RNF111: variants seen among roughly 807,000 people sequenced by gnomAD.
RNF111 encodes the protein ring finger protein 111.
Under a neutral mutation model 95.1 loss-of-function variants are expected in RNF111, and 17 were observed. That is an observed-to-expected ratio of 0.18 (90% CI 0.12 to 0.27). The LOEUF is 0.27. Ranked by LOEUF, RNF111 falls within the 10% of genes least tolerant of loss-of-function variation. The pLI is 1.00. For synonymous variants in RNF111, 440 were observed against 414.8 expected (o/e 1.06, Z -0.74); for missense variants, 1,189 against 1,210.4 (o/e 0.98, Z 0.26).
At chr15:59,084,849 TGTAA>T (rs2078852530) in intron 9 of RNF111, among the ~76,000 whole-genome samples, 1 of 152,134 alleles carries the variant, frequency 6.6e-6, no homozygotes, top group South Asian at 2.1e-4. Flanking sequence ...AGAGTTCCCA[TGTAA>T]GTAAGAGGCG....
intron 5 of RNF111, among the ~76,000 whole-genome samples, chr15:59,065,328 A>T (rs2042609683): frequency 6.6e-6 from 1 of 152,214 alleles, no homozygotes; most frequent in Admixed American, 6.5e-5. Context: ...TGAATTTGAA[A>T]CACTGGGACA....
chr15:59,092,403 G>T, intron 12 of RNF111, 134 bp from the exon 13 acceptor site: 1 of 827,194 alleles, frequency 1.2e-6, no homozygotes, highest in South Asian at 2.7e-5. Flanking sequence ...ATTTATGACA[G>T]TCTTACCTGG....
intron 1 of RNF111, among the ~76,000 whole-genome samples, chr15:59,016,151 A>AT (rs1490200146): frequency 6.6e-6 from 1 of 150,674 alleles, no homozygotes; most frequent in African/African-American, 2.4e-5. Flanking sequence ...TTGGTTAAAA[A>AT]ATATATATAT....
chr15:59,019,923 C>T (rs1474329756), intron 1 of RNF111, among the ~76,000 whole-genome samples: 2 of 152,044 alleles, frequency 1.3e-5, no homozygotes, highest in Non-Finnish European at 2.9e-5. Context: ...CGTGCCACTG[C>T]ACTTCAGCCT....
intron 1 of RNF111, among the ~76,000 whole-genome samples, chr15:58,992,901 C>T (rs542673142): frequency 6.6e-5 from 10 of 151,924 alleles, no homozygotes; most frequent in Non-Finnish European, 1.5e-4. Flanking sequence ...CATGGTGGTG[C>T]ACACCTGTAG....
intron 1 of RNF111, among the ~76,000 whole-genome samples, chr15:59,014,517 A>G (rs972129939): frequency 6.6e-6 from 1 of 152,190 alleles, no homozygotes; most frequent in Non-Finnish European, 1.5e-5. Context: ...TCTGCTGTGG[A>G]ATTATAGAAA....
chr15:59,069,519 G>A lies in RNF111; in HGVS notation c.1686+2436G>A, dbSNP rs565485529. On this transcript the variant is annotated intron_variant, in intron 6 of 13. Transcript: ENST00000348370. ...TTTATTTCAGCTTGAGTCAGTTGTAGGTAGGATCTCTTTTACAGGTCTGTT... is the reference window on the plus strand; with the variant it reads ...TTTATTTCAGCTTGAGTCAGTTGTAAGTAGGATCTCTTTTACAGGTCTGTT... 4.6e-5 allele frequency among the ~76,000 whole-genome samples: 7 copies of A among 152,228 alleles called. No individual in the cohort carries two copies. In the South Asian group the frequency reaches 1.5e-3, roughly 32 times the overall value.
intron 2 of RNF111, among the ~76,000 whole-genome samples, chr15:59,040,044 A>G (rs1204869710): frequency 4.6e-5 from 7 of 151,788 alleles, no homozygotes; most frequent in African/African-American, 1.7e-4. Flanking sequence ...GGTGATAGAG[A>G]CTACAGTCTG....
intron 5 of RNF111, among the ~76,000 whole-genome samples, chr15:59,065,112 G>A (rs1239476326): frequency 2.6e-5 from 4 of 152,132 alleles, no homozygotes; most frequent in African/African-American, 9.6e-5. Flanking sequence ...GTAAAATCAA[G>A]GCTAGGACAG....
At chr15:59,073,967 G>A (rs1372678462) in intron 6 of RNF111, among the ~76,000 whole-genome samples, 4 of 152,164 alleles carry the variant, frequency 2.6e-5, no homozygotes, top group African/African-American at 9.7e-5. Flanking sequence ...GAGCTCTTTG[G>A]TGACTATGTG....
At chr15:59,043,662 G>A (rs561493273) in intron 2 of RNF111, among the ~76,000 whole-genome samples, 1 of 152,246 alleles carries the variant, frequency 6.6e-6, no homozygotes, top group African/African-American at 2.4e-5. Context: ...ACAAATCTTT[G>A]TGTACATATA....
chr15:59,042,208 C>T (rs1290910360), intron 2 of RNF111, among the ~76,000 whole-genome samples: 8 of 152,008 alleles, frequency 5.3e-5, no homozygotes, highest in Non-Finnish European at 4.4e-5. Context: ...CTCATTGCAA[C>T]CTCAGCCTCC....
intron 1 of RNF111, among the ~76,000 whole-genome samples, chr15:59,012,043 C>G (rs1191145781): frequency 1.2e-5 from 1 of 84,826 alleles, no homozygotes; most frequent in African/African-American, 4.9e-5. Flanking sequence ...GAGATGGAGT[C>G]TCGCTCTGTC....
chr15:59,000,778 A>G (rs1374719046), intron 1 of RNF111, among the ~76,000 whole-genome samples: 4 of 151,994 alleles, frequency 2.6e-5, no homozygotes, highest in African/African-American at 9.7e-5. Context: ...TGAGCCCACT[A>G]TTCTCCTTTC....
chr15:59,048,930 A>ACAAAC (rs2041837796), intron 2 of RNF111, among the ~76,000 whole-genome samples: 1 of 151,914 alleles, frequency 6.6e-6, no homozygotes. Context: ...GTCTCTTTAA[A>ACAAAC]AAACAAACAA....
In RNF111 at chr15:59,070,316, T is replaced by G. The variant is rs550216420; in HGVS notation, c.1686+3233T>G. ...GAATTGTGAAGAAGAGGGTTCTCAT[T>G]ACTGTTTTTATTTTCCCTTTATTCT... On this transcript the variant is annotated intron_variant, in intron 6 of 13. Transcript: ENST00000348370. 9.4e-4 allele frequency among the ~76,000 whole-genome samples: 143 copies of G among 152,130 alleles called. 1 individual carries two copies. Among genetic ancestry groups the G allele is most frequent in the Non-Finnish European group, 1.4e-3 (95 of 68,042 alleles).
At position 59,031,285 on chromosome 15, in the gene RNF111, T is replaced by A; in HGVS notation, c.463T>A (p.Ser155Thr). The change falls in exon 2 of 14, where the codon TCA (serine) becomes ACA (threonine). Residue 155 changes from serine to threonine, a missense_variant. This residue lies in a region of RNF111 where 1,024 missense variants were observed against 925.9 expected (regional missense o/e 1.11). Coordinates refer to ENST00000348370, the MANE Select transcript of RNF111 (RefSeq NM_017610.8). ...TTTTGGAGATTCTGATACTGTGACT[T>A]CAGATGAGGATAAAGAAGTCTCTGT... ...LHFGDSDTVT[S>T]DEDKEVSVRH... 1 of 1,614,082 alleles carries A rather than the reference T, an allele frequency of 6.2e-7. No individual in the cohort carries two copies. Among genetic ancestry groups the A allele is most frequent in the Non-Finnish European group, 8.5e-7 (1 of 1,180,008 alleles).
chr15:59,082,807 TC>T (rs2078785680), intron 8 of RNF111, among the ~76,000 whole-genome samples: 1 of 152,212 alleles, frequency 6.6e-6, no homozygotes, highest in Admixed American at 6.5e-5. Context: ...TTGTTTTACT[TC>T]TGTCATTTAA....
intron 10 of RNF111, among the ~76,000 whole-genome samples, chr15:59,089,005 G>T (rs2078975640): frequency 6.6e-6 from 1 of 152,108 alleles, no homozygotes; most frequent in South Asian, 2.1e-4. Context: ...CAAGACACTG[G>T]TTTATAGTAG....
Sources: gnomAD v4.1 joint callset for allele counts (sites outside exome capture counted in the v4.1 genomes callset) on GRCh38, gnomAD v4.1.1 for gene constraint, gnomAD v4.1.1 regional missense constraint, MANE v1.5 for transcripts, NCBI Gene and HGNC (gene_info 2026-07-23, HGNC 2026-07-21) for gene names.